The following RCAN2 variants were observed in gnomAD, a reference collection of about 807,000 sequenced individuals.
RCAN2 encodes the protein calcipressin-2.
Under a neutral mutation model 23.6 loss-of-function variants are expected in RCAN2, and 9 were observed. That is an observed-to-expected ratio of 0.38 (90% CI 0.23 to 0.67). The LOEUF is 0.67. Among genes scored for constraint, RCAN2 ranks in the 30% least tolerant of loss-of-function variants. RCAN2 has a pLI of 0.51. For missense variants in RCAN2, 273 were observed against 302.3 expected (o/e 0.90, Z 0.72); for synonymous variants, 109 against 115.7 (o/e 0.94, Z 0.37).
intron 2 of RCAN2, among the ~76,000 whole-genome samples, chr6:46,290,537 CAT>C (rs1252776786): frequency 1.3e-5 from 2 of 152,150 alleles, no homozygotes; most frequent in African/African-American, 4.8e-5. Context: ...TCAAAATAGT[CAT>C]AGTCACCCTT....
chr6:46,371,314 A>G (rs1015874849), intron 2 of RCAN2, among the ~76,000 whole-genome samples: 4 of 152,340 alleles, frequency 2.6e-5, no homozygotes, highest in South Asian at 4.1e-4. Context: ...CCTAAATTAC[A>G]TAAGATTTTA....
chr6:46,317,517 A>G (rs1668778989), intron 2 of RCAN2, among the ~76,000 whole-genome samples: 1 of 152,116 alleles, frequency 6.6e-6, no homozygotes, highest in Admixed American at 6.5e-5. Context: ...GCTGGAGTGC[A>G]GTGGCATGAT....
At chr6:46,333,951 G>A (rs2150368577) in intron 2 of RCAN2, among the ~76,000 whole-genome samples, 1 of 152,326 alleles carries the variant, frequency 6.6e-6, no homozygotes, top group Admixed American at 6.5e-5. Context: ...CTATGGTAAA[G>A]AGTCACCTGT....
At chr6:46,276,482 C>G (rs1036978737) in intron 2 of RCAN2, among the ~76,000 whole-genome samples, 1 of 152,130 alleles carries the variant, frequency 6.6e-6, no homozygotes. Context: ...ATCCCACCAT[C>G]AAAAGAGGCA....
At chr6:46,486,057 C>A (rs1395686595) in intron 1 of RCAN2, among the ~76,000 whole-genome samples, 1 of 152,226 alleles carries the variant, frequency 6.6e-6, no homozygotes, top group Non-Finnish European at 1.5e-5. Context: ...TTGTGACAAT[C>A]ATCCTCAACA....
chr6:46,461,317 C>A (rs1768197307), intron 1 of RCAN2, among the ~76,000 whole-genome samples: 3 of 151,980 alleles, frequency 2.0e-5, no homozygotes, highest in African/African-American at 7.3e-5. Context: ...ACATTGTATC[C>A]CAGTGTATGA....
chr6:46,381,220 G>C (rs1765608853), intron 2 of RCAN2, among the ~76,000 whole-genome samples: 1 of 152,150 alleles, frequency 6.6e-6, no homozygotes, highest in Non-Finnish European at 1.5e-5. Context: ...TCTGCTGTTT[G>C]GACTTCTGTG....
chr6:46,227,317 G>A (rs1307401656), intron 4 of RCAN2, among the ~76,000 whole-genome samples: 1 of 152,138 alleles, frequency 6.6e-6, no homozygotes, highest in African/African-American at 2.4e-5. Context: ...TAGTTAGGGA[G>A]GATTCCTCTT....
intron 2 of RCAN2, among the ~76,000 whole-genome samples, chr6:46,286,186 T>C (rs1028558461): frequency 3.3e-5 from 5 of 152,220 alleles, no homozygotes; most frequent in African/African-American, 1.2e-4. Context: ...AGCGAGTTTG[T>C]GCCAAAGGCC....
intron 2 of RCAN2, among the ~76,000 whole-genome samples, chr6:46,396,456 A>G (rs1766089946): frequency 6.6e-6 from 1 of 152,150 alleles, no homozygotes; most frequent in Non-Finnish European, 1.5e-5. Context: ...CATTTATTCA[A>G]AAGACCCGTA....
chr6:46,240,505 G>A (rs972176618), intron 4 of RCAN2, among the ~76,000 whole-genome samples: 29 of 152,100 alleles, frequency 1.9e-4, no homozygotes, highest in Admixed American at 4.6e-4. Context: ...ATTTGAACAT[G>A]TGCTCCAGGA....
intron 2 of RCAN2, among the ~76,000 whole-genome samples, chr6:46,259,901 G>A (rs888107803): frequency 6.6e-6 from 1 of 152,218 alleles, no homozygotes; most frequent in Non-Finnish European, 1.5e-5. Flanking sequence ...AGATGGAAGA[G>A]ATGCATAGAG....
At chr6:46,261,265 G>A (rs1767098463) in intron 2 of RCAN2, among the ~76,000 whole-genome samples, 2 of 152,154 alleles carry the variant, frequency 1.3e-5, no homozygotes, top group Admixed American at 1.3e-4. Flanking sequence ...CAGGTAAGAA[G>A]AGGCAGTATA....
chr6:46,253,585 G>A (rs1766804691), intron 2 of RCAN2, among the ~76,000 whole-genome samples: 1 of 152,102 alleles, frequency 6.6e-6, no homozygotes, highest in African/African-American at 2.4e-5. Flanking sequence ...AGGTTAAAGG[G>A]TTAAAAAAAT....
At chr6:46,438,108 T>C in intron 2 of RCAN2, among the ~76,000 whole-genome samples, 1 of 152,140 alleles carries the variant, frequency 6.6e-6, no homozygotes. Context: ...TCAGTCATCC[T>C]TTCAAAAAAG....
chr6:46,444,518 C>A (rs1381263005), intron 2 of RCAN2, among the ~76,000 whole-genome samples: 1 of 152,194 alleles, frequency 6.6e-6, no homozygotes, highest in Non-Finnish European at 1.5e-5. Flanking sequence ...TCCAGGCAAG[C>A]ACCTATGGCC....
chr6:46,437,930 C>A (rs1767420441), intron 2 of RCAN2, among the ~76,000 whole-genome samples: 1 of 152,234 alleles, frequency 6.6e-6, no homozygotes, highest in Non-Finnish European at 1.5e-5. Flanking sequence ...GCTCACAGGT[C>A]ACCTTCCAAG....
intron 2 of RCAN2, among the ~76,000 whole-genome samples, chr6:46,348,072 C>T (rs978946417): frequency 6.6e-6 from 1 of 152,092 alleles, no homozygotes; most frequent in Admixed American, 6.5e-5. Flanking sequence ...TCATTTCAAT[C>T]ATAAAGACTA....
chr6:46,327,038 T>C (rs570846730), intron 2 of RCAN2, among the ~76,000 whole-genome samples: 60 of 152,354 alleles, frequency 3.9e-4, no homozygotes, highest in African/African-American at 1.3e-3. Context: ...TATATGCATA[T>C]AATCCAACTA....
Sources: gnomAD v4.1 joint callset for allele counts (sites outside exome capture counted in the v4.1 genomes callset) on GRCh38, gnomAD v4.1.1 for gene constraint, MANE v1.5 for transcripts, NCBI Gene and HGNC (gene_info 2026-07-23, HGNC 2026-07-21) for gene names.